Variants in GRM8 observed in about 807,000 individuals in gnomAD.
The protein encoded by GRM8 is glutamate metabotropic receptor 8.
Under a neutral mutation model 87.2 loss-of-function variants are expected in GRM8, and 47 were observed. The ratio of observed to expected loss-of-function variants is 0.54; its 90% confidence interval spans 0.43 to 0.69. The LOEUF (loss-of-function observed/expected upper bound fraction) is 0.69. Among genes scored for constraint, GRM8 ranks in the 30% least tolerant of loss-of-function variants. GRM8 has a pLI of 0.00. For missense variants in GRM8, 1,019 were observed against 1,139.2 expected (o/e 0.89, Z 1.52); for synonymous variants, 396 against 404.5 (o/e 0.98, Z 0.25).
At chr7:127,240,583 G>A (rs1034231931) in intron 2 of GRM8, among the ~76,000 whole-genome samples, 4 of 152,128 alleles carry the variant, frequency 2.6e-5, no homozygotes, top group Non-Finnish European at 5.9e-5. Flanking sequence ...ACAGGAACCC[G>A]AATTGGTTTA....
intron 2 of GRM8, among the ~76,000 whole-genome samples, chr7:127,212,559 A>C (rs1012840488): frequency 6.6e-6 from 1 of 150,692 alleles, no homozygotes; most frequent in Non-Finnish European, 1.5e-5. Flanking sequence ...CTGGGACTAC[A>C]GGCGCCCGCC....
intron 7 of GRM8, among the ~76,000 whole-genome samples, chr7:126,669,584 A>C (rs770682523): frequency 2.8e-4 from 42 of 152,336 alleles, no homozygotes; most frequent in Admixed American, 2.2e-3. Flanking sequence ...GAACTATTTG[A>C]CTTGCTGGCT....
chr7:126,920,978 C>T (rs931850367), intron 3 of GRM8, among the ~76,000 whole-genome samples: 1 of 152,134 alleles, frequency 6.6e-6, no homozygotes, highest in African/African-American at 2.4e-5. Context: ...GTAAAGCCCA[C>T]TGGCCAATGA....
chr7:127,169,644 C>T (rs1301213090), intron 2 of GRM8, among the ~76,000 whole-genome samples: 1 of 152,188 alleles, frequency 6.6e-6, no homozygotes, highest in Non-Finnish European at 1.5e-5. Context: ...CAATGCTTGG[C>T]TTCAAAGTTT....
intron 6 of GRM8, among the ~76,000 whole-genome samples, chr7:126,892,607 G>A (rs1421764179): frequency 6.6e-6 from 1 of 152,114 alleles, no homozygotes; most frequent in African/African-American, 2.4e-5. Context: ...ACATGTGCGT[G>A]TGTCTTTACA....
chr7:127,208,249 A>T (rs1198719744), intron 2 of GRM8, among the ~76,000 whole-genome samples: 2 of 152,194 alleles, frequency 1.3e-5, no homozygotes, highest in Non-Finnish European at 1.5e-5. Flanking sequence ...GGATGCAGGT[A>T]ATACGCATGT....
At chr7:127,140,304 A>G (rs749695003) in intron 2 of GRM8, among the ~76,000 whole-genome samples, 5 of 152,012 alleles carry the variant, frequency 3.3e-5, no homozygotes, top group Non-Finnish European at 5.9e-5. Context: ...CCTGTCCCCA[A>G]TCCCACACTT....
At chr7:126,966,255 C>G (rs914672239) in intron 3 of GRM8, among the ~76,000 whole-genome samples, 1 of 152,064 alleles carries the variant, frequency 6.6e-6, no homozygotes, top group African/African-American at 2.4e-5. Flanking sequence ...CCACCTCAGC[C>G]CCACAAGTAG....
chr7:127,222,980 C>T (rs1439313748), intron 2 of GRM8, among the ~76,000 whole-genome samples: 6 of 152,162 alleles, frequency 3.9e-5, no homozygotes, highest in African/African-American at 7.2e-5. Flanking sequence ...CTCAAAAGTA[C>T]ACCCTGTTCT....
In GRM8 at chr7:126,474,857, A is replaced by C. The variant is rs561143439; in HGVS notation, c.2431-28485T>G. ...CACAAATCAATTAATGTGATACACC[A>C]CACTTATAGAACAAAGGATAAAAAT... On this transcript the variant is annotated intron_variant, in intron 9 of 10. Transcript: ENST00000339582. Among the ~76,000 whole-genome samples, 416 of 152,334 alleles carry C rather than the reference A, an allele frequency of 2.7e-3. 1 individual carries two copies. The highest frequency in any genetic ancestry group is 0.01 in the Middle Eastern group (3 of 294).
chr7:126,841,820 G>C (rs1412730960), intron 6 of GRM8, among the ~76,000 whole-genome samples: 3 of 151,914 alleles, frequency 2.0e-5, no homozygotes, highest in Admixed American at 2.0e-4. Flanking sequence ...TTTTAGTGGA[G>C]ATGGGGTTTC....
At chr7:126,793,158 T>C (rs1821548905) in intron 6 of GRM8, among the ~76,000 whole-genome samples, 1 of 152,224 alleles carries the variant, frequency 6.6e-6, no homozygotes, top group Non-Finnish European at 1.5e-5. Context: ...TACTTCATTA[T>C]GTGTCTTCTT....
chr7:126,829,636 T>C (rs1795161658), intron 6 of GRM8, among the ~76,000 whole-genome samples: 1 of 152,082 alleles, frequency 6.6e-6, no homozygotes, highest in South Asian at 2.1e-4. Flanking sequence ...AGCACACTGA[T>C]GGGTCTTGAC....
At chr7:126,635,600 GT>G (rs536272344) in intron 7 of GRM8, among the ~76,000 whole-genome samples, 224 of 151,286 alleles carry the variant, frequency 1.5e-3, no homozygotes, top group East Asian at 2.5e-3. Context: ...GCTCTGAGGA[GT>G]TTTTTTTTAA....
chr7:126,592,121 G>C (rs1796728668), intron 8 of GRM8, among the ~76,000 whole-genome samples: 1 of 143,852 alleles, frequency 7.0e-6, no homozygotes, highest in Non-Finnish European at 1.5e-5. Flanking sequence ...TGAGTAAGGA[G>C]ATTGAATCAA....
chr7:127,142,672 T>C (rs1178672174), intron 2 of GRM8, among the ~76,000 whole-genome samples: 3 of 152,222 alleles, frequency 2.0e-5, no homozygotes, highest in South Asian at 4.1e-4. Flanking sequence ...ATAGGCTTGA[T>C]AGATGCATGG....
intron 2 of GRM8, among the ~76,000 whole-genome samples, chr7:127,204,584 T>G (rs977748516): frequency 1.3e-5 from 2 of 152,230 alleles, no homozygotes; most frequent in African/African-American, 4.8e-5. Context: ...GCTAGTTAGA[T>G]GCACTCACTA....
intron 3 of GRM8, among the ~76,000 whole-genome samples, chr7:127,106,216 A>G (rs750857421): frequency 1.4e-4 from 21 of 152,188 alleles, no homozygotes; most frequent in Non-Finnish European, 2.8e-4. Flanking sequence ...AGTGGCTCTA[A>G]TGTGCCAGCA....
chr7:127,134,751 A>C (rs530962756), intron 2 of GRM8, among the ~76,000 whole-genome samples: 22 of 152,296 alleles, frequency 1.4e-4, no homozygotes, highest in Non-Finnish European at 2.8e-4. Context: ...AAAAGTTAAG[A>C]TCTTAACATA....
Sources: allele counts gnomAD v4.1 joint callset (sites outside exome capture counted in the v4.1 genomes callset), GRCh38; gene constraint gnomAD v4.1.1; transcripts MANE v1.5; gene names NCBI Gene and HGNC (gene_info 2026-07-23, HGNC 2026-07-21).